ARHGAP21: variants seen among roughly 807,000 people sequenced by gnomAD.
ARHGAP21 encodes rho GTPase-activating protein 21.
Under a neutral mutation model 164.6 loss-of-function variants are expected in ARHGAP21, and 38 were observed. That is an observed-to-expected ratio of 0.23 (90% CI 0.18 to 0.30). The LOEUF (loss-of-function observed/expected upper bound fraction) is 0.30, where lower values mean the gene tolerates loss of function less well. ARHGAP21 is among the 10% of genes least tolerant of loss of function. ARHGAP21 has a pLI of 1.00. For synonymous variants in ARHGAP21, 766 were observed against 857.9 expected, an observed-to-expected ratio of 0.89 and a Z score of 1.87; for missense variants, 1,822 against 2,370.7, an observed-to-expected ratio of 0.77 and a Z score of 4.81.
At chr10:24,659,567 G>A (rs984387356) in intron 4 of ARHGAP21, among the ~76,000 whole-genome samples, 9 of 152,222 alleles carry the variant, frequency 5.9e-5, no homozygotes, top group Admixed American at 6.5e-5. Context: ...TGCCCACCTC[G>A]GCCTCCCAAA....
chr10:24,586,420 C>T (rs960810292), intron 25 of ARHGAP21, among the ~76,000 whole-genome samples: 5 of 152,200 alleles, frequency 3.3e-5, no homozygotes, highest in Non-Finnish European at 7.3e-5. Context: ...CTGACCTTCC[C>T]TCCTTCCACA....
At chr10:24,695,427 G>C (rs1843092870) in intron 2 of ARHGAP21, among the ~76,000 whole-genome samples, 1 of 152,040 alleles carries the variant, frequency 6.6e-6, no homozygotes, top group Admixed American at 6.5e-5. Context: ...AAATTAGCTG[G>C]GCGTGGTGGC....
chr10:24,648,415 A>T (rs967699571), intron 4 of ARHGAP21, among the ~76,000 whole-genome samples: 7 of 152,212 alleles, frequency 4.6e-5, no homozygotes, highest in African/African-American at 1.4e-4. Flanking sequence ...GAAAGCAGCT[A>T]TCACTTTTTC....
chr10:24,613,505 C>T (rs2077353051), intron 9 of ARHGAP21, among the ~76,000 whole-genome samples: 1 of 152,192 alleles, frequency 6.6e-6, no homozygotes, highest in African/African-American at 2.4e-5. Flanking sequence ...AATTAACATT[C>T]AGCTTCTTCA....
intron 21 of ARHGAP21, 65 bp downstream of exon 21, chr10:24,594,885 A>C: frequency 7.7e-7 from 1 of 1,302,594 alleles, no homozygotes; most frequent in Non-Finnish European, 1.1e-6. Context: ...GGCATGAAGT[A>C]ATGAAGCATA....
chr10:24,646,847 A>G (rs553593970), intron 4 of ARHGAP21, among the ~76,000 whole-genome samples: 1 of 152,340 alleles, frequency 6.6e-6, no homozygotes, highest in African/African-American at 2.4e-5. Context: ...AAATATGTAT[A>G]ACTGTCAATT....
At chr10:24,712,428 G>A (rs375582028) in intron 2 of ARHGAP21, among the ~76,000 whole-genome samples, 3 of 152,220 alleles carry the variant, frequency 2.0e-5, no homozygotes, top group Non-Finnish European at 2.9e-5. Flanking sequence ...CAAAATCCAC[G>A]CATGCTCAAG....
intron 23 of ARHGAP21, 111 bp from the exon 24 acceptor site, chr10:24,591,441 T>G: frequency 8.9e-7 from 1 of 1,121,048 alleles, no homozygotes; most frequent in Non-Finnish European, 1.3e-6. Context: ...CTGTGCTTAA[T>G]GTGTTTACAT....
chr10:24,603,063 A>G (rs1348053918), intron 12 of ARHGAP21, among the ~76,000 whole-genome samples: 1 of 152,204 alleles, frequency 6.6e-6, no homozygotes, highest in Non-Finnish European at 1.5e-5. Context: ...CACCAGCTGC[A>G]GTTCAGGAAG....
At chr10:24,698,308 C>T (rs1441827200) in intron 2 of ARHGAP21, among the ~76,000 whole-genome samples, 1 of 152,130 alleles carries the variant, frequency 6.6e-6, no homozygotes, top group African/African-American at 2.4e-5. Context: ...AAGAAATCAT[C>T]TAATCAGTTT....
rs754879637 is a variant in ARHGAP21, at chr10:24,597,589, GAAGGA to G, written c.3198-11_3198-7del. 7.4e-6 allele frequency: 12 copies of G among 1,613,386 alleles called. No individual in the cohort carries two copies. Among genetic ancestry groups the G allele is most frequent in the Admixed American group, 6.7e-5 (4 of 59,864 alleles). On this transcript the variant is annotated splice_polypyrimidine_tract_variant and splice_region_variant and intron_variant, in intron 15 of 25. Transcript: ENST00000396432. ...TTGGCAACTGTTCTGCTTTGCTGTTGAAGGAAATGACATTTGTTAACAATTACAGT... is the reference window on the plus strand; with the variant it reads ...TTGGCAACTGTTCTGCTTTGCTGTTGAATGACATTTGTTAACAATTACAGT...
At chr10:24,689,894 ATGTGTATATATACATG>A (rs1565169011) in intron 2 of ARHGAP21, among the ~76,000 whole-genome samples, 2,751 of 143,424 alleles carry the variant, frequency 0.019, 80 homozygotes, top group African/African-American at 0.055. Context: ...ATGTATATGT[ATGTGTATATATACATG>A]TATATATGTA....
chr10:24,586,476 G>A (rs1436599470), intron 25 of ARHGAP21, among the ~76,000 whole-genome samples: 3 of 152,094 alleles, frequency 2.0e-5, no homozygotes, highest in African/African-American at 7.2e-5. Flanking sequence ...AGAGGCATGG[G>A]ATAGGTAAAA....
rs548744867 is a variant in ARHGAP21 at position 24,606,848 on chromosome 10, T to C, written c.2684+651A>G. ...AAGAGCAAAATGTCTCAAAAATAAATAAATTTTTAAAATAAATAAAAATAG... is the reference window on the plus strand; with the variant it reads ...AAGAGCAAAATGTCTCAAAAATAAACAAATTTTTAAAATAAATAAAAATAG... On this transcript the variant is annotated intron_variant, in intron 11 of 25. Coordinates refer to ENST00000396432, the MANE Select transcript of ARHGAP21 (RefSeq NM_020824.4). Among the ~76,000 whole-genome samples the C allele has an allele frequency of 3.4e-4, 52 of 152,238 alleles. 1 individual carries two copies. Among genetic ancestry groups the C allele is most frequent in the African/African-American group, 1.2e-3 (49 of 41,570 alleles).
intron 11 of ARHGAP21, 119 bp from the exon 12 acceptor site, chr10:24,604,467 C>T (rs1379832188): frequency 1.6e-6 from 1 of 607,576 alleles, no homozygotes; most frequent in East Asian, 3.2e-5. Context: ...TCATCATTAT[C>T]ATGTTAAATG....
chr10:24,718,257 A>G (rs1593395679), intron 2 of ARHGAP21, among the ~76,000 whole-genome samples: 2 of 152,308 alleles, frequency 1.3e-5, no homozygotes, highest in East Asian at 3.9e-4. Context: ...AGGAAGAGGG[A>G]GAGTCAGCGG....
chr10:24,633,373 T>C, intron 6 of ARHGAP21, 29 bp downstream of exon 6: 3 of 1,469,090 alleles, frequency 2.0e-6, no homozygotes, highest in Non-Finnish European at 2.8e-6. Context: ...AAAACCCATC[T>C]TTGGGTTTTA....
intron 2 of ARHGAP21, among the ~76,000 whole-genome samples, chr10:24,694,783 A>G (rs1164737254): frequency 1.3e-5 from 2 of 152,108 alleles, no homozygotes; most frequent in African/African-American, 2.4e-5. Flanking sequence ...GGCCAGGCAC[A>G]GTGCACGCCT....
At chr10:24,720,039 A>G (rs1466847217) in intron 2 of ARHGAP21, among the ~76,000 whole-genome samples, 1 of 152,222 alleles carries the variant, frequency 6.6e-6, no homozygotes, top group Non-Finnish European at 1.5e-5. Context: ...AGCAAAACAC[A>G]GGTGATATTG....
Sources: gnomAD v4.1 joint callset for allele counts (sites outside exome capture counted in the v4.1 genomes callset) on GRCh38, gnomAD v4.1.1 for gene constraint, MANE v1.5 for transcripts, NCBI Gene and HGNC (gene_info 2026-07-23, HGNC 2026-07-21) for gene names.